Variants in PNISR observed in about 807,000 individuals in gnomAD.
PNISR encodes the protein PNN interacting serine and arginine rich protein.
PNISR carries 20 observed loss-of-function variants against 93.4 expected under a neutral mutation model. The ratio of observed to expected loss-of-function variants is 0.21; its 90% confidence interval spans 0.15 to 0.31. PNISR has a LOEUF of 0.31. Ranked by LOEUF, PNISR falls within the 10% of genes least tolerant of loss-of-function variation. The pLI is 1.00. For synonymous variants in PNISR, 305 were observed against 306.5 expected (o/e 0.99, Z 0.05); for missense variants, 893 against 985.4 (o/e 0.91, Z 1.25).
At chr6:99,414,538 A>G (rs376447765) in intron 3 of PNISR, 34 bp downstream of exon 3, 656 of 1,134,074 alleles carry the variant, frequency 5.8e-4, no homozygotes, top group Non-Finnish European at 5.8e-4. Flanking sequence ...CACATATCCA[A>G]CCCCGCCCTT....
chr6:99,408,358 A>C (rs878995968), intron 6 of PNISR, 87 bp from the exon 7 acceptor site: 1 of 888,134 alleles, frequency 1.1e-6, no homozygotes, highest in Non-Finnish European at 1.8e-6. Context: ...TATCCCATTA[A>C]ATATCATGCC....
intron 4 of PNISR, chr6:99,412,165 C>G (rs138335149): frequency 2.3e-6 from 1 of 438,032 alleles, no homozygotes; most frequent in Non-Finnish European, 4.6e-6. Flanking sequence ...ATTTGTCACA[C>G]AGTGACACAA....
intron 8 of PNISR, 111 bp from the exon 9 acceptor site, chr6:99,404,813 CTG>C: frequency 1.7e-6 from 1 of 601,626 alleles, no homozygotes; most frequent in Non-Finnish European, 3.0e-6. Flanking sequence ...CAGTCTCACT[CTG>C]TTGCCCAGGC....
chr6:99,425,182 A>G, intron 1 of PNISR, 33 bp downstream of exon 1: 1 of 1,217,990 alleles, frequency 8.2e-7, no homozygotes, highest in Non-Finnish European at 1.0e-6. Context: ...TGGTCCGGCA[A>G]GTGCCCACGT....
At chr6:99,412,858 G>A (rs928554069) in intron 3 of PNISR, 119 bp from the exon 4 acceptor site, 24 of 604,720 alleles carry the variant, frequency 4.0e-5, no homozygotes, top group South Asian at 2.2e-4. Context: ...GACAGAGAGG[G>A]TATGAGGGAA....
In PNISR at chr6:99,400,302, G is replaced by T; in HGVS notation, c.*238C>A. ...TTCCTCAGCGTTTACGACGGGGAGG[G>T]GTTGTTGATCTGAAAAAAAAGGGAA... On this transcript the variant is annotated 3_prime_UTR_variant, in exon 12 of 12. Transcript: ENST00000369239. The T allele has an allele frequency of 9.4e-7, 1 of 1,064,206 alleles. No homozygotes were observed. Among genetic ancestry groups the T allele is most frequent in the Non-Finnish European group, 1.1e-6 (1 of 876,796 alleles). 65.9% of individuals were successfully genotyped at this position (1,064,206 alleles called of 1,614,324 possible).
At chr6:99,421,942 G>A (rs528925691) in intron 1 of PNISR, among the ~76,000 whole-genome samples, 4 of 151,750 alleles carry the variant, frequency 2.6e-5, no homozygotes, top group African/African-American at 7.3e-5. Flanking sequence ...CTCGGCTTAC[G>A]GCAACCTCCA....
At chr6:99,420,134 C>T (rs1419106026) in intron 1 of PNISR, among the ~76,000 whole-genome samples, 2 of 152,222 alleles carry the variant, frequency 1.3e-5, no homozygotes, top group African/African-American at 2.4e-5. Flanking sequence ...CCTCCCGCCT[C>T]AGTCCCCAAA....
intron 4 of PNISR, chr6:99,412,109 G>GAAAA: frequency 3.5e-6 from 1 of 284,884 alleles, no homozygotes. Flanking sequence ...AAAAAGGGAA[G>GAAAA]AAAAAGGTAG....
intron 2 of PNISR, chr6:99,416,109 CCAA>C (rs1777661706): frequency 6.6e-6 from 2 of 305,242 alleles, no homozygotes; most frequent in Admixed American, 5.0e-5. Flanking sequence ...ACAAATGAGG[CCAA>C]CAACTGGTTT....
intron 4 of PNISR, chr6:99,412,079 A>T (rs1406599542): frequency 6.3e-6 from 2 of 318,726 alleles, no homozygotes. Context: ...CTTATGAAAG[A>T]TCTTCACTAT....
rs1249214488 is a variant in PNISR at position 99,399,942 on chromosome 6, C to A, written c.*598G>T. On this transcript the variant is annotated 3_prime_UTR_variant, in exon 12 of 12. Coordinates refer to ENST00000369239, the MANE Select transcript of PNISR (RefSeq NM_032870.4). The stretch of plus-strand genomic sequence containing the variant: ...TAAAAGTACGTTCCTTAGATTAAAA[C>A]CATAAAATTAAGGTGCAAGAGTTTA... 1 of 151,890 alleles carries A rather than the reference C, an allele frequency of 6.6e-6. No individual in the cohort carries two copies. Among genetic ancestry groups the A allele is most frequent in the East Asian group, 1.9e-4 (1 of 5,188 alleles). 9.4% of individuals were successfully genotyped at this position (151,890 alleles called of 1,614,324 possible). A position where few individuals can be genotyped will look rare whatever the true frequency, so the allele number is the denominator to read the frequency against.
In PNISR at chr6:99,425,275, C is replaced by G; in HGVS notation, c.-172G>C. Reference sequence around the variant, plus strand: ...TCCGGTAACACCTCTCCAACGCTTTCGATGCTTCTACTTCTTCGGGAACAA... The same window carrying G: ...TCCGGTAACACCTCTCCAACGCTTTGGATGCTTCTACTTCTTCGGGAACAA... On this transcript the variant is annotated 5_prime_UTR_variant, in exon 1 of 12. Coordinates refer to ENST00000369239, the MANE Select transcript of PNISR (RefSeq NM_032870.4). 2.4e-6 allele frequency: 3 copies of G among 1,232,146 alleles called. No homozygotes were observed. The highest frequency in any genetic ancestry group is 3.0e-6 in the Non-Finnish European group (3 of 987,934). 76.3% of individuals were successfully genotyped at this position (1,232,146 alleles called of 1,614,324 possible).
At position 99,401,551 on chromosome 6, in the gene PNISR, T is replaced by C. The variant is rs1185864888; in HGVS notation, c.1407A>G (p.Leu469=). 1 of 1,605,162 alleles carries C rather than the reference T, an allele frequency of 6.2e-7. No homozygotes were observed. Among genetic ancestry groups the C allele is most frequent in the South Asian group, 1.1e-5 (1 of 88,850 alleles). The change falls in exon 12 of 12, where the codon CTA becomes CTG. Residue 469 remains leucine, a synonymous_variant. Coordinates refer to ENST00000369239, the MANE Select transcript of PNISR (RefSeq NM_032870.4). The part of the protein sequence containing the change: ...IHKEQNSLSL[L]EAREADGDVV... Reference sequence around the variant, plus strand: ...CATCACCGTCTGCTTCTCTTGCTTCTAGTAGTGATAAACTATTTTGCTCTT... The same window carrying C: ...CATCACCGTCTGCTTCTCTTGCTTCCAGTAGTGATAAACTATTTTGCTCTT...
intron 3 of PNISR, among the ~76,000 whole-genome samples, chr6:99,413,420 A>G (rs1777235596): frequency 6.6e-6 from 1 of 151,580 alleles, no homozygotes; most frequent in Admixed American, 6.6e-5. Flanking sequence ...CCATCCATCC[A>G]TCCATCCATC....
At position 99,401,176 on chromosome 6, in the gene PNISR, T is replaced by C. The variant is rs1199363083; in HGVS notation, c.1782A>G (p.Arg594=). 1.2e-6 allele frequency: 2 copies of C among 1,613,836 alleles called. No homozygotes were observed. The highest frequency in any genetic ancestry group is 2.7e-5 in the African/African-American group (2 of 75,058). ...SNRARVKIRD[R]RRSNRNSIER... ...CAATGCTATTTCTATTAGATCTCCTTCTATCTCTAATCTTTACCCTAGCCC... is the reference window on the plus strand; with the variant it reads ...CAATGCTATTTCTATTAGATCTCCTCCTATCTCTAATCTTTACCCTAGCCC... The change falls in exon 12 of 12, where the codon AGA becomes AGG. Residue 594 remains arginine (R), a synonymous_variant. Coordinates refer to ENST00000369239, the MANE Select transcript of PNISR (RefSeq NM_032870.4).
At chr6:99,414,879 CTCAGAAT>C in intron 2 of PNISR, 189 bp from the exon 3 acceptor site, 1 of 346,342 alleles carries the variant, frequency 2.9e-6, no homozygotes, top group Non-Finnish European at 5.1e-6. Flanking sequence ...TAATGCTGGT[CTCAGAAT>C]TTGGTGGCAA....
At chr6:99,420,523 T>C (rs1305027383) in intron 1 of PNISR, among the ~76,000 whole-genome samples, 1 of 152,232 alleles carries the variant, frequency 6.6e-6, no homozygotes, top group Non-Finnish European at 1.5e-5. Flanking sequence ...GGAACACTAC[T>C]CTTTCTTCCT....
rs564491362 is a variant in PNISR, at chr6:99,398,401, GTAAA to G, written c.*2135_*2138del. ...ACCTTATAAAACCTTACCACTCAAG[GTAAA>G]TAAATACTATATCACATGTCAAGAA... On this transcript the variant is annotated 3_prime_UTR_variant, in exon 12 of 12. Transcript: ENST00000369239. 7 of 152,074 alleles carry G rather than the reference GTAAA, an allele frequency of 4.6e-5. No homozygotes were observed. The South Asian group carries it at 1.2e-3, about 27-fold the overall frequency. 9.4% of individuals were successfully genotyped at this position (152,074 alleles called of 1,614,324 possible).
Sources: allele counts gnomAD v4.1 joint callset (sites outside exome capture counted in the v4.1 genomes callset), GRCh38; gene constraint gnomAD v4.1.1; transcripts MANE v1.5; gene names NCBI Gene and HGNC (gene_info 2026-07-23, HGNC 2026-07-21).